The following LRFN5 variants were observed in gnomAD, a reference collection of about 807,000 sequenced individuals.
The protein encoded by LRFN5 is leucine-rich repeat and fibronectin type-III domain-containing protein 5.
LRFN5 carries 24 observed loss-of-function variants against 45.6 expected under a neutral mutation model. The observed-to-expected ratio is 0.53, with a 90% CI of 0.38 to 0.74. The LOEUF is 0.74. Ranked by LOEUF, LRFN5 falls within the 30% of genes least tolerant of loss-of-function variation. The pLI is 0.00. For missense variants in LRFN5, 776 were observed against 861.5 expected (o/e 0.90, Z 1.24); for synonymous variants, 340 against 313.8 (o/e 1.08, Z -0.88).
intron 2 of LRFN5, among the ~76,000 whole-genome samples, chr14:41,848,913 C>T (rs1390372011): frequency 1.3e-5 from 2 of 151,830 alleles, no homozygotes; most frequent in Non-Finnish European, 2.9e-5. Flanking sequence ...TACTTCTAGG[C>T]TTCAAGTTTT....
intron 1 of LRFN5, among the ~76,000 whole-genome samples, chr14:41,609,471 G>A (rs1887644425): frequency 6.6e-6 from 1 of 151,988 alleles, no homozygotes; most frequent in Non-Finnish European, 1.5e-5. Flanking sequence ...AGATTTCCAT[G>A]GCCGGCTGAA....
intron 1 of LRFN5, among the ~76,000 whole-genome samples, chr14:41,637,690 G>A (rs974132125): frequency 1.3e-5 from 2 of 152,022 alleles, no homozygotes; most frequent in Non-Finnish European, 2.9e-5. Context: ...AATATTATAG[G>A]TTGCTTATAG....
intron 1 of LRFN5, among the ~76,000 whole-genome samples, chr14:41,619,844 C>T (rs1888057432): frequency 6.6e-6 from 1 of 151,870 alleles, no homozygotes; most frequent in Non-Finnish European, 1.5e-5. Context: ...ATGTTGATGA[C>T]CATCCCAAAA....
chr14:41,856,675 A>ATTTTTTTTT (rs1555326982), intron 2 of LRFN5, among the ~76,000 whole-genome samples: 2 of 18,332 alleles, frequency 1.1e-4, no homozygotes, highest in African/African-American at 2.6e-4. Context: ...TATTATTATT[A>ATTTTTTTTT]TTTTTTTTTT....
chr14:41,742,932 C>G lies in LRFN5; in HGVS notation c.-196-23922C>G, dbSNP rs1465022431. ...TAGTATCATCCCTCCCAGTGCTATC[C>G]TATCTTTGACATGGAATTGCTCAAC... On this transcript the variant is annotated intron_variant, in intron 1 of 5. Transcript: ENST00000298119. The G allele has an allele frequency of 3.2e-5, 5 of 155,268 alleles. No homozygotes were observed. The East Asian group carries it at 5.5e-4, about 17-fold the overall frequency. 9.6% of individuals were successfully genotyped at this position (155,268 alleles called of 1,614,324 possible). A position where few individuals can be genotyped will look rare whatever the true frequency, so the allele number is the denominator to read the frequency against.
chr14:41,767,994 C>T (rs1054936594), intron 2 of LRFN5, among the ~76,000 whole-genome samples: 2 of 151,984 alleles, frequency 1.3e-5, no homozygotes, highest in Non-Finnish European at 1.5e-5. Context: ...AATGTCACTG[C>T]ACAGAAAATT....
chr14:41,886,607 C>A lies in LRFN5; in HGVS notation c.-19C>A. On this transcript the variant is annotated splice_region_variant and 5_prime_UTR_variant, in exon 3 of 6. Coordinates refer to ENST00000298119, the MANE Select transcript of LRFN5 (RefSeq NM_152447.5). ...TCTATTTTGTGTCTTCCGTTACAGGCTCTTAAACCTGATCTACAATGGAAA... is the reference window on the plus strand; with the variant it reads ...TCTATTTTGTGTCTTCCGTTACAGGATCTTAAACCTGATCTACAATGGAAA... 6.5e-7 allele frequency: 1 copy of A among 1,547,392 alleles called. No individual in the cohort carries two copies. Among genetic ancestry groups the A allele is most frequent in the Non-Finnish European group, 8.7e-7 (1 of 1,151,424 alleles).
At chr14:41,653,502 T>C (rs1005913569) in intron 1 of LRFN5, among the ~76,000 whole-genome samples, 2 of 152,112 alleles carry the variant, frequency 1.3e-5, no homozygotes, top group African/African-American at 2.4e-5. Context: ...TTTTCTTAAG[T>C]TCCCTTAAGT....
chr14:41,651,572 C>A (rs149034542), intron 1 of LRFN5, among the ~76,000 whole-genome samples: 3 of 152,200 alleles, frequency 2.0e-5, no homozygotes, highest in African/African-American at 7.2e-5. Flanking sequence ...ATCTGATAAG[C>A]CTGGAAAATG....
chr14:41,888,017 A>G lies in LRFN5; in HGVS notation c.1385+7A>G, dbSNP rs756192214. On this transcript the variant is annotated splice_region_variant and intron_variant, in intron 3 of 5. Transcript: ENST00000298119. ...ATGACACCCTTGTTTACAGGTAAGA[A>G]AAATTGAGCAAATTTGTATACTTAC... The G allele has an allele frequency of 6.4e-7, 1 of 1,571,250 alleles. No homozygotes were observed. The highest frequency in any genetic ancestry group is 8.6e-7 in the Non-Finnish European group (1 of 1,159,282).
Position 41,738,391 on chromosome 14 carries a change from C to T in LRFN5, c.-196-28463C>T, listed in dbSNP as rs140107119. Among the ~76,000 whole-genome samples the T allele has an allele frequency of 1.9e-3, 290 of 152,244 alleles. 3 individuals are homozygous for T. The highest frequency in any genetic ancestry group is 6.8e-3 in the African/African-American group (281 of 41,552). The stretch of plus-strand genomic sequence containing the variant: ...AATGTAAGACCTAAAACCATAACAA[C>T]CCTGGAAGAAAACCTAGGCAATACC... On this transcript the variant is annotated intron_variant, in intron 1 of 5. Transcript: ENST00000298119.
At position 41,774,561 on chromosome 14, in the gene LRFN5, G is replaced by A. The variant is rs181748204; in HGVS notation, c.-21+7532G>A. Among the ~76,000 whole-genome samples, 99 of 152,200 alleles carry A rather than the reference G, an allele frequency of 6.5e-4. 1 individual carries two copies. Among genetic ancestry groups the A allele is most frequent in the Non-Finnish European group, 1.1e-3 (77 of 67,986 alleles). On this transcript the variant is annotated intron_variant, in intron 2 of 5. Coordinates refer to ENST00000298119, the MANE Select transcript of LRFN5 (RefSeq NM_152447.5). ...TTGTAATATGAAATGAATAAAACAC[G>A]ACAAAATTTAATGTTGAAACTACAT... is the stretch of plus-strand genomic sequence containing the variant.
chr14:41,887,546 G>A lies in LRFN5; in HGVS notation c.921G>A (p.Arg307=). Residue 307 remains arginine (R), a synonymous_variant, in exon 3 of 6, where the codon AGG becomes AGA. Coordinates refer to ENST00000298119, the MANE Select transcript of LRFN5 (RefSeq NM_152447.5). This position sits in a 1 kb window ranked among gnomAD's most constrained non-coding sequence, Gnocchi z 4.8. The stretch of plus-strand genomic sequence containing the variant: ...TGGAGGGACAAAGGGCAACACTGAG[G>A]TGCAAAGCCAGGGGAGACCCTGAGC... ...RVLEGQRATL[R]CKARGDPEPA... 6.2e-7 allele frequency: 1 copy of A among 1,614,168 alleles called. No homozygotes were observed. Among genetic ancestry groups the A allele is most frequent in the South Asian group, 1.1e-5 (1 of 91,084 alleles).
At chr14:41,883,427 A>T (rs918217595) in intron 2 of LRFN5, among the ~76,000 whole-genome samples, 2 of 152,154 alleles carry the variant, frequency 1.3e-5, no homozygotes, top group Non-Finnish European at 2.9e-5. Flanking sequence ...TAAAGTTTCA[A>T]GTTTCTTCCA....
At chr14:41,833,815 A>G (rs1566472681) in intron 2 of LRFN5, among the ~76,000 whole-genome samples, 1 of 152,056 alleles carries the variant, frequency 6.6e-6, no homozygotes, top group East Asian at 1.9e-4. Flanking sequence ...CTTGGTAGGG[A>G]GAGAGTTGCT....
At chr14:41,749,746 G>A (rs1885054566) in intron 1 of LRFN5, among the ~76,000 whole-genome samples, 2 of 151,988 alleles carry the variant, frequency 1.3e-5, no homozygotes, top group Admixed American at 6.6e-5. Flanking sequence ...AATATGTACC[G>A]CAGACTCCCA....
chr14:41,664,800 C>T (rs143830965), intron 1 of LRFN5, among the ~76,000 whole-genome samples: 1 of 152,048 alleles, frequency 6.6e-6, no homozygotes, highest in East Asian at 1.9e-4. Flanking sequence ...TTTAAAAATT[C>T]TTTTCTGATT....
At position 41,781,552 on chromosome 14, in the gene LRFN5, AAGAAAG is replaced by A. The variant is rs1310550344; in HGVS notation, c.-21+14531_-21+14536del. The stretch of plus-strand genomic sequence containing the variant: ...GGAAGAAGGAAGGAAGGAAGGAGAA[AAGAAAG>A]AGAAAGAAAGAAAGAAAGAAAGAAA... On this transcript the variant is annotated intron_variant, in intron 2 of 5. Transcript: ENST00000298119. Among the ~76,000 whole-genome samples the A allele has an allele frequency of 5.4e-5, 6 of 111,660 alleles. No homozygotes were observed. The South Asian group carries it at 1.7e-3, about 31-fold the overall frequency. The allele number at this position is 111,660 out of a possible 152,430, so 73.3% of individuals were successfully genotyped here.
intron 1 of LRFN5, among the ~76,000 whole-genome samples, chr14:41,624,059 G>T (rs1888234531): frequency 1.3e-5 from 2 of 152,078 alleles, no homozygotes; most frequent in Admixed American, 1.3e-4. Flanking sequence ...GAAGGAAACA[G>T]TTCCTACGCC....
Sources: gnomAD v4.1 joint callset for allele counts (sites outside exome capture counted in the v4.1 genomes callset) on GRCh38, gnomAD v4.1.1 for gene constraint, Gnocchi (gnomAD v3.1) non-coding constraint, MANE v1.5 for transcripts, NCBI Gene and HGNC (gene_info 2026-07-23, HGNC 2026-07-21) for gene names.